Variants in CACNA1D observed in about 807,000 individuals in gnomAD.
CACNA1D encodes calcium voltage-gated channel subunit alpha1 D.
A neutral mutation model predicts 257.1 loss-of-function variants in CACNA1D; 55 were observed. The ratio of observed to expected loss-of-function variants is 0.21; its 90% CI spans 0.17 to 0.27. CACNA1D has a LOEUF of 0.27. Among genes scored for constraint, CACNA1D ranks in the 10% least tolerant of loss-of-function variants. The pLI is 1.00. For synonymous variants in CACNA1D, 980 were observed against 1,014.9 expected (o/e 0.97, Z 0.65); for missense variants, 1,876 against 2,784.0 (o/e 0.67, Z 7.34).
At chr3:53,499,439 A>G (rs1427055806) in intron 2 of CACNA1D, among the ~76,000 whole-genome samples, 1 of 152,012 alleles carries the variant, frequency 6.6e-6, no homozygotes, top group East Asian at 1.9e-4. Flanking sequence ...GTCAAGGGTC[A>G]TTTGTTTTTA....
intron 3 of CACNA1D, among the ~76,000 whole-genome samples, chr3:53,557,393 C>T (rs2092664777): frequency 6.6e-6 from 1 of 151,936 alleles, no homozygotes; most frequent in African/African-American, 2.4e-5. Context: ...ACTTGGGAGG[C>T]TGGGGCAGGA....
In CACNA1D at chr3:53,671,957, C is replaced by T. The variant is rs1032833547; in HGVS notation, c.1117-1066C>T. Among the ~76,000 whole-genome samples the T allele has an allele frequency of 2.0e-5, 3 of 152,208 alleles. No homozygotes were observed. In the East Asian group the frequency reaches 5.8e-4, roughly 29 times the overall value. On this transcript the variant is annotated intron_variant, in intron 7 of 47. Transcript: ENST00000350061. ...TTCTGGGTGTTGTGGCAGGGTCATA[C>T]CTTGGGCCATCCATTCTGTCCCCTG...
At chr3:53,634,259 G>A (rs1383441574) in intron 3 of CACNA1D, among the ~76,000 whole-genome samples, 1 of 152,264 alleles carries the variant, frequency 6.6e-6, no homozygotes, top group Middle Eastern at 3.4e-3. Context: ...TTTGAATTGA[G>A]GCAATTGTGA....
At position 53,589,029 on chromosome 3, in the gene CACNA1D, A is replaced by C. The variant is rs72966326; in HGVS notation, c.484-61750A>C. Among the ~76,000 whole-genome samples, 1,441 of 152,308 alleles carry C rather than the reference A, an allele frequency of 9.5e-3. 23 individuals are homozygous for C. Among genetic ancestry groups the C allele is most frequent in the African/African-American group, 0.032 (1,342 of 41,562 alleles). On this transcript the variant is annotated intron_variant, in intron 3 of 47. Coordinates refer to ENST00000350061, the MANE Select transcript of CACNA1D (RefSeq NM_001128840.3). ...ACTCCTAAAACTTACGCATCACGGC[A>C]GATGTGTGATTCTTTCATTCTTTAG...
At chr3:53,619,261 C>A (rs956142314) in intron 3 of CACNA1D, among the ~76,000 whole-genome samples, 1 of 152,196 alleles carries the variant, frequency 6.6e-6, no homozygotes, top group Non-Finnish European at 1.5e-5. Context: ...TGAATTTTCT[C>A]ATGCCTCCTG....
Position 53,811,057 on chromosome 3 carries a change from C to T in CACNA1D, c.6193-56C>T. The T allele has an allele frequency of 7.1e-7, 1 of 1,410,488 alleles. No homozygotes were observed. Among genetic ancestry groups the T allele is most frequent in the South Asian group, 1.2e-5 (1 of 86,834 alleles). The allele number at this position is 1,410,488 out of a possible 1,614,324, so 87.4% of individuals were successfully genotyped here. On this transcript the variant is annotated intron_variant, in intron 47 of 47. Transcript: ENST00000350061. The surrounding 1 kb of genome is among the most constrained non-coding windows in gnomAD (Gnocchi z 4.2). Reference sequence around the variant, plus strand: ...TGGAGTTGATTTTTCTGTCGTCCCCCTGCCCTGCAAAGCCTTATAACACCC... The same window carrying T: ...TGGAGTTGATTTTTCTGTCGTCCCCTTGCCCTGCAAAGCCTTATAACACCC...
chr3:53,735,850 A>C (rs2095052093), intron 20 of CACNA1D, among the ~76,000 whole-genome samples: 1 of 152,120 alleles, frequency 6.6e-6, no homozygotes, highest in Non-Finnish European at 1.5e-5. Context: ...TTTGAGATTC[A>C]TGCCTCGTGG....
intron 3 of CACNA1D, among the ~76,000 whole-genome samples, chr3:53,520,794 ACTT>A (rs2091524477): frequency 2.0e-5 from 3 of 151,020 alleles, no homozygotes; most frequent in African/African-American, 7.3e-5. Context: ...GGTTTATAAG[ACTT>A]CTTCATATAT....
chr3:53,501,497 G>C, intron 2 of CACNA1D, 118 bp from the exon 3 acceptor site: 1 of 676,960 alleles, frequency 1.5e-6, no homozygotes, highest in Non-Finnish European at 2.7e-6. Context: ...AGCCGAAATA[G>C]GATTTGTGTA....
At chr3:53,557,474 A>G (rs1373958932) in intron 3 of CACNA1D, among the ~76,000 whole-genome samples, 1 of 152,072 alleles carries the variant, frequency 6.6e-6, no homozygotes. Context: ...AGCCTGGGCG[A>G]CAAGAGCGAA....
At chr3:53,497,115 T>TA (rs543405396) in intron 1 of CACNA1D, 37 bp from the exon 2 acceptor site, 6,093 of 1,276,398 alleles carry the variant, frequency 4.8e-3, no homozygotes, top group East Asian at 6.0e-3. Context: ...GATCCTCATT[T>TA]AAAAAAAAAA....
intron 31 of CACNA1D, 113 bp downstream of exon 31, chr3:53,770,130 T>C (rs1455030503): frequency 3.2e-6 from 3 of 933,206 alleles, no homozygotes; most frequent in South Asian, 1.3e-5. Context: ...TCCAGAACAG[T>C]GTCTGCAGTG....
At position 53,790,298 on chromosome 3, in the gene CACNA1D, C is replaced by G. The variant is rs572625377; in HGVS notation, c.4923+3346C>G. Among the ~76,000 whole-genome samples, 57 of 152,346 alleles carry G rather than the reference C, an allele frequency of 3.7e-4. 1 individual carries two copies. In the South Asian group the frequency reaches 0.012, roughly 31 times the overall value. On this transcript the variant is annotated intron_variant, in intron 40 of 47. Coordinates refer to ENST00000350061, the MANE Select transcript of CACNA1D (RefSeq NM_001128840.3). Reference sequence around the variant, plus strand: ...ATGCATGCTGAATGTCCCATCAGACCTTCTAGATGAGGACATCTGTGCAAG... The same window carrying G: ...ATGCATGCTGAATGTCCCATCAGACGTTCTAGATGAGGACATCTGTGCAAG...
chr3:53,655,588 G>A (rs2094140387), intron 4 of CACNA1D, among the ~76,000 whole-genome samples: 1 of 152,070 alleles, frequency 6.6e-6, no homozygotes, highest in Non-Finnish European at 1.5e-5. Flanking sequence ...TTTAAAATAT[G>A]CTTCTTGACC....
intron 9 of CACNA1D, among the ~76,000 whole-genome samples, chr3:53,711,886 G>A (rs2094760717): frequency 6.6e-6 from 1 of 152,240 alleles, no homozygotes; most frequent in Non-Finnish European, 1.5e-5. Flanking sequence ...GTGGGACAGT[G>A]AGTTAGGGGC....
At chr3:53,503,130 TG>T (rs1184926163) in intron 3 of CACNA1D, among the ~76,000 whole-genome samples, 4 of 152,236 alleles carry the variant, frequency 2.6e-5, no homozygotes, top group African/African-American at 9.6e-5. Context: ...TCAGATGTAA[TG>T]TGATGTCTAT....
Position 53,682,391 on chromosome 3 carries a change from A to AAAAAAAAAAC in CACNA1D, c.1220+9270_1220+9271insAAAACAAAAA, listed in dbSNP as rs2094440667. The stretch of plus-strand genomic sequence containing the variant: ...AAAAAAAAAAAAAAAAAAAAAAAAA[A>AAAAAAAAAAC]AAAAACAGAAGTCTTTTTAGCTGGG... On this transcript the variant is annotated intron_variant, in intron 8 of 47. Coordinates refer to ENST00000350061, the MANE Select transcript of CACNA1D (RefSeq NM_001128840.3). 1.4e-5 allele frequency among the ~76,000 whole-genome samples: 2 copies of AAAAAAAAAAC among 140,966 alleles called. 1 individual carries two copies. Among genetic ancestry groups the AAAAAAAAAAC allele is most frequent in the East Asian group, 4.5e-4 (2 of 4,442 alleles). The allele number at this position is 140,966 out of a possible 152,430, so 92.5% of individuals were successfully genotyped here.
At chr3:53,797,240 G>A (rs2095511654) in intron 40 of CACNA1D, among the ~76,000 whole-genome samples, 1 of 152,128 alleles carries the variant, frequency 6.6e-6, no homozygotes. Flanking sequence ...ACCATGTTTT[G>A]TGATATGTAA....
intron 9 of CACNA1D, among the ~76,000 whole-genome samples, chr3:53,706,607 G>A (rs1349716442): frequency 1.3e-5 from 2 of 152,162 alleles, no homozygotes; most frequent in Non-Finnish European, 2.9e-5. Context: ...ACCAGTAAAA[G>A]TTGACCTCAA....
Sources: gnomAD v4.1 joint callset for allele counts (sites outside exome capture counted in the v4.1 genomes callset) on GRCh38, gnomAD v4.1.1 for gene constraint, Gnocchi (gnomAD v3.1) non-coding constraint, MANE v1.5 for transcripts, NCBI Gene and HGNC (gene_info 2026-07-23, HGNC 2026-07-21) for gene names.